The following PSD3 variants were observed in gnomAD, a reference collection of about 807,000 sequenced individuals.
PSD3 encodes pleckstrin and Sec7 domain containing 3, also known as PH and SEC7 domain-containing protein 3.
Under a neutral mutation model 105.5 loss-of-function variants are expected in PSD3, and 49 were observed. That is an observed-to-expected ratio of 0.46 (90% confidence interval 0.37 to 0.59). The LOEUF (loss-of-function observed/expected upper bound fraction) is 0.59. PSD3 is among the 20% of genes least tolerant of loss of function. PSD3 has a pLI of 0.00. For synonymous variants in PSD3, 557 were observed against 457.8 expected, an observed-to-expected ratio of 1.22 and a Z score of -2.77; for missense variants, 1,561 against 1,263.8, an observed-to-expected ratio of 1.24 and a Z score of -3.57.
intron 2 of PSD3, among the ~76,000 whole-genome samples, chr8:18,923,144 C>A (rs893713392): frequency 7.9e-5 from 12 of 152,058 alleles, no homozygotes; most frequent in African/African-American, 2.9e-4. Flanking sequence ...GAAGAACTGT[C>A]TTGGGCCACA....
chr8:18,605,103 T>C (rs1031758848), intron 11 of PSD3, among the ~76,000 whole-genome samples: 3 of 152,148 alleles, frequency 2.0e-5, no homozygotes, highest in African/African-American at 4.8e-5. Flanking sequence ...AAAAGGGCCA[T>C]TGTCCTCCAG....
intron 2 of PSD3, among the ~76,000 whole-genome samples, chr8:18,911,076 C>T (rs1156661372): frequency 1.3e-5 from 2 of 152,134 alleles, no homozygotes; most frequent in African/African-American, 4.8e-5. Context: ...CCACTGCACT[C>T]CATCCTGGGC....
intron 4 of PSD3, among the ~76,000 whole-genome samples, chr8:18,866,402 T>C (rs35297398): frequency 0.087 from 13,297 of 152,294 alleles, 723 homozygotes; most frequent in South Asian, 0.19. Flanking sequence ...CTTTGTACCA[T>C]GTCCTGTGCG....
In PSD3 at chr8:18,572,636, G is replaced by C. The variant is rs1317837505; in HGVS notation, c.2676C>G (p.Ile892Met). 6.2e-7 allele frequency: 1 copy of C among 1,614,012 alleles called. No homozygotes were observed. Among genetic ancestry groups the C allele is most frequent in the Non-Finnish European group, 8.5e-7 (1 of 1,179,918 alleles). ...CAGAAAATACAGCTGCCACACAATTGATTTTGTTTATCCACCCTTGCATTT... is the reference window on the plus strand; with the variant it reads ...CAGAAAATACAGCTGCCACACAATTCATTTTGTTTATCCACCCTTGCATTT... ...PEEMQGWINKINCVAAVFSAP... is the reference protein window; with the variant it reads ...PEEMQGWINKMNCVAAVFSAP... The change falls in exon 14 of 16, where the codon ATC (isoleucine) becomes ATG (methionine). Residue 892 changes from isoleucine (I) to methionine (M), a missense_variant. Physicochemically the swap from Ile to Met is conservative, Grantham distance 10. Transcript: ENST00000327040.
chr8:18,687,883 T>A lies in PSD3; in HGVS notation c.2173-32198A>T, dbSNP rs184065318. Reference sequence around the variant, plus strand: ...CCGGGTTCAAGTAATTCTCCCTGCGTCAGCCTCTGGAGTAGCTGGGATTAC... The same window carrying A: ...CCGGGTTCAAGTAATTCTCCCTGCGACAGCCTCTGGAGTAGCTGGGATTAC... On this transcript the variant is annotated intron_variant, in intron 9 of 15. Coordinates refer to ENST00000327040, the MANE Select transcript of PSD3 (RefSeq NM_015310.4). Among the ~76,000 whole-genome samples the A allele has an allele frequency of 7.3e-3, 1,114 of 152,284 alleles. 47 individuals carry two copies. The highest frequency in any genetic ancestry group is 0.068 in the Admixed American group (1,041 of 15,298).
intron 8 of PSD3, among the ~76,000 whole-genome samples, chr8:18,775,234 T>A (rs764780791): frequency 1.3e-5 from 2 of 152,230 alleles, no homozygotes; most frequent in Non-Finnish European, 2.9e-5. Context: ...TATATTTATG[T>A]ACCACATTTT....
intron 1 of PSD3, among the ~76,000 whole-genome samples, chr8:19,005,210 T>G (rs991424546): frequency 6.6e-6 from 1 of 151,990 alleles, no homozygotes; most frequent in Non-Finnish European, 1.5e-5. Flanking sequence ...CATCAACTGA[T>G]GAACGGATAA....
chr8:18,923,112 T>C (rs765456981), intron 2 of PSD3, among the ~76,000 whole-genome samples: 9 of 152,312 alleles, frequency 5.9e-5, no homozygotes, highest in Non-Finnish European at 1.0e-4. Flanking sequence ...GTCCAATCTC[T>C]TGGCTTCCCT....
At chr8:18,724,385 G>C (rs991929844) in intron 9 of PSD3, among the ~76,000 whole-genome samples, 3 of 152,156 alleles carry the variant, frequency 2.0e-5, no homozygotes, top group African/African-American at 7.2e-5. Context: ...GTCAGGGCAG[G>C]AGCATCTCTT....
intron 12 of PSD3, among the ~76,000 whole-genome samples, chr8:18,586,859 T>C (rs1803225847): frequency 6.6e-6 from 1 of 152,108 alleles, no homozygotes; most frequent in Non-Finnish European, 1.5e-5. Context: ...CTGAGAAATG[T>C]ATATGGGGTA....
intron 2 of PSD3, among the ~76,000 whole-genome samples, chr8:18,910,168 C>T (rs149316677): frequency 0.049 from 7,494 of 151,756 alleles, 206 homozygotes; most frequent in Admixed American, 0.081. Context: ...AATCATGCTG[C>T]TATAAAGACA....
chr8:19,072,819 T>G (rs1004807671), intron 1 of PSD3, among the ~76,000 whole-genome samples: 1 of 152,202 alleles, frequency 6.6e-6, no homozygotes, highest in Non-Finnish European at 1.5e-5. Flanking sequence ...ATAACTCACA[T>G]AATCCTTATT....
At chr8:18,768,821 C>T (rs1807247713) in intron 8 of PSD3, among the ~76,000 whole-genome samples, 1 of 152,014 alleles carries the variant, frequency 6.6e-6, no homozygotes. Flanking sequence ...TGTTAAAAAC[C>T]TTGCCTCTTT....
At chr8:18,592,303 A>G (rs1021897510) in intron 12 of PSD3, among the ~76,000 whole-genome samples, 5 of 152,200 alleles carry the variant, frequency 3.3e-5, no homozygotes, top group Non-Finnish European at 7.3e-5. Flanking sequence ...GCAAACTTGA[A>G]AACGGGCCAT....
chr8:18,646,611 C>A (rs549222936), intron 10 of PSD3, among the ~76,000 whole-genome samples: 2 of 151,980 alleles, frequency 1.3e-5, no homozygotes, highest in African/African-American at 4.8e-5. Context: ...AAATGAAAAA[C>A]TTAAATGAAA....
Position 18,871,679 on chromosome 8 carries a change from C to T in PSD3, c.1185G>A (p.Gln395=). The T allele has an allele frequency of 6.2e-7, 1 of 1,613,590 alleles. No individual in the cohort carries two copies. Among genetic ancestry groups the T allele is most frequent in the Non-Finnish European group, 8.5e-7 (1 of 1,179,804 alleles). The change falls in exon 3 of 16, where the codon CAG becomes CAA. Residue 395 remains glutamine (Q), a synonymous_variant. Transcript: ENST00000327040. ...DESGEDEVFL[Q]ENKQHLEKTP... is the part of the protein sequence containing the mutation. ...TCTTCTCAAGATGCTGTTTGTTTTCCTGTAGGAAGACTTCATCCTCTCCAC... is the reference window on the plus strand; with the variant it reads ...TCTTCTCAAGATGCTGTTTGTTTTCTTGTAGGAAGACTTCATCCTCTCCAC...
intron 4 of PSD3, among the ~76,000 whole-genome samples, chr8:18,830,676 C>T (rs1041547127): frequency 1.2e-4 from 19 of 152,090 alleles, no homozygotes; most frequent in African/African-American, 3.6e-4. Context: ...AACATGGTCG[C>T]GAAAGGAGAT....
chr8:18,660,288 G>A (rs75307487), intron 9 of PSD3, among the ~76,000 whole-genome samples: 2,916 of 152,212 alleles, frequency 0.019, 100 homozygotes, highest in East Asian at 0.13. Flanking sequence ...GACCACCAGA[G>A]GTTAGAAGAG....
intron 1 of PSD3, among the ~76,000 whole-genome samples, chr8:19,074,278 G>A (rs1409403468): frequency 6.6e-6 from 1 of 151,998 alleles, no homozygotes; most frequent in Non-Finnish European, 1.5e-5. Flanking sequence ...TCTTAGCAAC[G>A]TCTTGCAGGG....
Sources: gnomAD v4.1 joint callset for allele counts (sites outside exome capture counted in the v4.1 genomes callset) on GRCh38, gnomAD v4.1.1 for gene constraint, MANE v1.5 for transcripts, NCBI Gene and HGNC (gene_info 2026-07-23, HGNC 2026-07-21) for gene names.